The following SYCE3 variants were observed in gnomAD, a reference collection of about 807,000 sequenced individuals.
The protein encoded by SYCE3 is testis highly expressed gene 2 protein.
A neutral mutation model predicts 8.1 loss-of-function variants in SYCE3; 3 were observed. The observed-to-expected ratio is 0.37, with a 90% confidence interval of 0.17 to 0.96. SYCE3 has a LOEUF of 0.96. Ranked by LOEUF, SYCE3 falls within the 40% of genes least tolerant of loss-of-function variation. SYCE3 has a pLI of 0.41. For missense variants in SYCE3, 83 were observed against 110.0 expected (o/e 0.75, Z 1.10); for synonymous variants, 36 against 38.7 (o/e 0.93, Z 0.26).
chr22:50,554,720 C>T (rs562897732), intron 2 of SYCE3, among the ~76,000 whole-genome samples: 76 of 144,744 alleles, frequency 5.3e-4, no homozygotes, highest in Non-Finnish European at 9.4e-4. Context: ...AAAGGCCAGG[C>T]GCGGTGGCTC....
intron 2 of SYCE3, among the ~76,000 whole-genome samples, chr22:50,554,745 A>G (rs2069842647): frequency 6.7e-6 from 1 of 149,888 alleles, no homozygotes; most frequent in African/African-American, 2.4e-5. Context: ...CTGTAATCCC[A>G]GGACTTTGGG....
In SYCE3 at chr22:50,556,352, C is replaced by G. The variant is rs2069860200; in HGVS notation, c.54G>C (p.Leu18=). 1.3e-6 allele frequency: 2 copies of G among 1,551,966 alleles called. No homozygotes were observed. The highest frequency in any genetic ancestry group is 1.7e-6 in the Non-Finnish European group (2 of 1,147,086). Residue 18 remains leucine (L), a synonymous_variant, in exon 2 of 3, where the codon CTG becomes CTC. Coordinates refer to ENST00000406915, the MANE Select transcript of SYCE3 (RefSeq NM_001123225.3). ...ERNYDNMLKM[L]SDLNKDLEKL... is the part of the protein sequence containing the mutation. ...TTTCCAAGTCCTTATTCAGATCTGA[C>G]AGCATTTTCAGCATGTTGTCATAGT...
At chr22:50,559,255 T>C (rs1440666571) in intron 1 of SYCE3, among the ~76,000 whole-genome samples, 4 of 152,076 alleles carry the variant, frequency 2.6e-5, no homozygotes, top group Admixed American at 2.0e-4. Context: ...GCCTTCCAAG[T>C]AGCTGGGATT....
At chr22:50,554,848 C>T (rs1569032690) in intron 2 of SYCE3, among the ~76,000 whole-genome samples, 3 of 151,840 alleles carry the variant, frequency 2.0e-5, no homozygotes, top group African/African-American at 4.8e-5. Context: ...CAAGGCCAGG[C>T]GCGGTGGTTT....
In SYCE3 at chr22:50,551,248, C is replaced by A; in HGVS notation, c.264G>T (p.Leu88=). 1 of 1,551,254 alleles carries A rather than the reference C, an allele frequency of 6.4e-7. No individual in the cohort carries two copies. The highest frequency in any genetic ancestry group is 8.7e-7 in the Non-Finnish European group (1 of 1,146,868). The part of the protein sequence containing the change: ...QELLHETKQR[L] ...AGCTGTGGTGGGCCAGTGGGGCCTA[C>A]AGCCTTTGCTTGGTCTCATGCAGCA... Residue 88 remains leucine, a synonymous_variant, in exon 3 of 3, where the codon CTG becomes CTT. Coordinates refer to ENST00000406915, the MANE Select transcript of SYCE3 (RefSeq NM_001123225.3).
intron 1 of SYCE3, among the ~76,000 whole-genome samples, chr22:50,557,643 C>T (rs2069873825): frequency 6.6e-6 from 1 of 152,098 alleles, no homozygotes; most frequent in African/African-American, 2.4e-5. Context: ...CTCTCCTCAC[C>T]TTTATTAATA....
At chr22:50,554,327 G>T (rs2148698167) in intron 2 of SYCE3, among the ~76,000 whole-genome samples, 1 of 152,216 alleles carries the variant, frequency 6.6e-6, no homozygotes, top group Admixed American at 6.5e-5. Context: ...TCAGATTGAG[G>T]AAAGACTTTC....
intron 2 of SYCE3, among the ~76,000 whole-genome samples, chr22:50,553,819 G>T (rs569609276): frequency 7.2e-5 from 11 of 152,008 alleles, no homozygotes; most frequent in Non-Finnish European, 1.5e-4. Flanking sequence ...CTGACCTTGT[G>T]ATCCTCCTGC....
rs1053607976 is a variant in SYCE3 at position 50,551,144 on chromosome 22, T to C, written c.*101A>G. 3 of 1,405,976 alleles carry C rather than the reference T, an allele frequency of 2.1e-6. No homozygotes were observed. Among genetic ancestry groups the C allele is most frequent in the Non-Finnish European group, 2.9e-6 (3 of 1,038,424 alleles). The allele number at this position is 1,405,976 out of a possible 1,614,324, so 87.1% of individuals were successfully genotyped here. A position where few individuals can be genotyped will look rare whatever the true frequency, so the allele number is the denominator to read the frequency against. ...AAAAATAAGTTTATTAAGAAACAAG[T>C]ACAGTGCATACAGCTATTCATGTGG... On this transcript the variant is annotated 3_prime_UTR_variant, in exon 3 of 3. Transcript: ENST00000406915.
chr22:50,554,818 C>A (rs2069843459), intron 2 of SYCE3, among the ~76,000 whole-genome samples: 3 of 151,580 alleles, frequency 2.0e-5, no homozygotes, highest in African/African-American at 7.3e-5. Flanking sequence ...CATGGTGAAA[C>A]CCTGTCTCTA....
intron 2 of SYCE3, 98 bp downstream of exon 2, chr22:50,556,199 C>G: frequency 1.2e-6 from 1 of 821,230 alleles, no homozygotes; most frequent in Middle Eastern, 3.1e-4. Context: ...TGAGGACCTC[C>G]TGAGGCTGTG....
At chr22:50,560,064 G>A (rs2069899387) in intron 1 of SYCE3, among the ~76,000 whole-genome samples, 1 of 152,204 alleles carries the variant, frequency 6.6e-6, no homozygotes. Context: ...CTAAAGAGAG[G>A]GAAGGAGAAG....
At chr22:50,555,782 C>T (rs1345884493) in intron 2 of SYCE3, among the ~76,000 whole-genome samples, 2 of 148,074 alleles carry the variant, frequency 1.4e-5, no homozygotes, top group African/African-American at 5.0e-5. Context: ...CCAGATCGAA[C>T]CAATGTACAT....
In SYCE3 at chr22:50,559,025, C is replaced by T. The variant is rs546677654; in HGVS notation, c.1-2620G>A. 2.0e-5 allele frequency among the ~76,000 whole-genome samples: 3 copies of T among 152,302 alleles called. No homozygotes were observed. In the South Asian group the frequency reaches 6.2e-4, roughly 32 times the overall value. The stretch of plus-strand genomic sequence containing the variant: ...AACCTTGTTCTCTCCAAACTCTGTC[C>T]ACCTGTGGTAGTTCCTTCCCTGCTC... On this transcript the variant is annotated intron_variant, in intron 1 of 2. Transcript: ENST00000406915.
chr22:50,553,228 C>A (rs1349113440), intron 2 of SYCE3, among the ~76,000 whole-genome samples: 1 of 139,350 alleles, frequency 7.2e-6, no homozygotes, highest in Non-Finnish European at 1.5e-5. Flanking sequence ...TAAATAAAAT[C>A]CCAAAGTGCT....
At chr22:50,554,396 C>T (rs552100265) in intron 2 of SYCE3, among the ~76,000 whole-genome samples, 5 of 151,940 alleles carry the variant, frequency 3.3e-5, no homozygotes, top group Admixed American at 2.6e-4. Flanking sequence ...TTTTTCACTA[C>T]ATAAAACTGT....
At chr22:50,561,632 A>G (rs1213117214) in intron 1 of SYCE3, among the ~76,000 whole-genome samples, 1 of 151,146 alleles carries the variant, frequency 6.6e-6, no homozygotes, top group African/African-American at 2.4e-5. Flanking sequence ...GTCAGAGCCT[A>G]GAGTCTGGTT....
At chr22:50,561,962 C>T (rs1166722850) in intron 1 of SYCE3, among the ~76,000 whole-genome samples, 1 of 140,720 alleles carries the variant, frequency 7.1e-6, no homozygotes, top group East Asian at 2.1e-4. Flanking sequence ...GCAGGCTGCA[C>T]GGAATGAGAA....
chr22:50,558,165 T>G (rs2069878789), intron 1 of SYCE3, among the ~76,000 whole-genome samples: 1 of 152,246 alleles, frequency 6.6e-6, no homozygotes. Flanking sequence ...GGCTCATGCC[T>G]GTAATCCCAA....
Sources: allele counts gnomAD v4.1 joint callset (sites outside exome capture counted in the v4.1 genomes callset), GRCh38; gene constraint gnomAD v4.1.1; transcripts MANE v1.5; gene names NCBI Gene and HGNC (gene_info 2026-07-23, HGNC 2026-07-21).